Variants in PLAG1 observed in about 807,000 individuals in gnomAD.
PLAG1 encodes PLAG1 zinc finger, also known as zinc finger protein PLAG1.
In PLAG1, 7 loss-of-function variants were observed where a neutral mutation model predicts 35.5. The ratio of observed to expected loss-of-function variants is 0.20; its 90% CI spans 0.11 to 0.37. The LOEUF (loss-of-function observed/expected upper bound fraction) is 0.37. Among genes scored for constraint, PLAG1 ranks in the 10% least tolerant of loss-of-function variants. PLAG1 has a pLI of 1.00. For synonymous variants in PLAG1, 229 were observed against 225.4 expected, an observed-to-expected ratio of 1.02 and a Z score of -0.14; for missense variants, 454 against 602.8, an observed-to-expected ratio of 0.75 and a Z score of 2.58.
chr8:56,181,526 A>G (rs1167062282), intron 1 of PLAG1, among the ~76,000 whole-genome samples: 1 of 145,308 alleles, frequency 6.9e-6, no homozygotes, highest in Non-Finnish European at 1.5e-5. Context: ...ATAAGAACAC[A>G]TGGACACAGG....
intron 1 of PLAG1, among the ~76,000 whole-genome samples, chr8:56,210,831 T>G (rs1812877028): frequency 6.6e-6 from 1 of 151,654 alleles, no homozygotes; most frequent in East Asian, 1.9e-4. Flanking sequence ...AATAAAGGTT[T>G]TTTTTTTTTT....
At chr8:56,201,868 T>C (rs961830568) in intron 1 of PLAG1, among the ~76,000 whole-genome samples, 17 of 152,108 alleles carry the variant, frequency 1.1e-4, no homozygotes, top group Non-Finnish European at 2.1e-4. Flanking sequence ...TTGAGAGTTA[T>C]AAAAGTCATG....
chr8:56,167,356 G>A lies in PLAG1; in HGVS notation c.390C>T (p.Tyr130=), dbSNP rs772066543. ...GACGTTTAAATCCAAGCTTGGTATT[G>A]TAGTTCTTGCCACATTCTTCGCACT... ...TFKCEECGKN[Y]NTKLGFKRHL... The change falls in exon 5 of 5, where the codon TAC becomes TAT. Residue 130 remains tyrosine, a synonymous_variant. Transcript: ENST00000316981. This position sits in a 1 kb window ranked among gnomAD's most constrained non-coding sequence, Gnocchi z 5.9. The A allele has an allele frequency of 1.2e-6, 2 of 1,614,050 alleles. No homozygotes were observed. The highest frequency in any genetic ancestry group is 1.1e-5 in the South Asian group (1 of 91,084).
At chr8:56,184,800 T>G (rs1811975882) in intron 1 of PLAG1, among the ~76,000 whole-genome samples, 1 of 152,030 alleles carries the variant, frequency 6.6e-6, no homozygotes, top group South Asian at 2.1e-4. Flanking sequence ...GCCTGTAATC[T>G]CAGCTACTCC....
Position 56,166,319 on chromosome 8 carries a change from T to C in PLAG1, c.1427A>G (p.His476Arg), listed in dbSNP as rs1172388559. The change falls in exon 5 of 5, where the codon CAC becomes CGC. Residue 476 changes from histidine to arginine, a missense_variant. Transcript: ENST00000316981. ...GCTGGTGAAAGCTGCTGACAGTGAG[T>C]GCAGAGACCCAAGCCCTATAGTGTT... ...PANTIGLGSL[H>R]SLSAAFTSSL... 6.2e-7 allele frequency: 1 copy of C among 1,613,494 alleles called. No individual in the cohort carries two copies. The highest frequency in any genetic ancestry group is 8.5e-7 in the Non-Finnish European group (1 of 1,179,764).
chr8:56,173,375 C>CA (rs773596984), intron 2 of PLAG1, among the ~76,000 whole-genome samples: 3 of 151,668 alleles, frequency 2.0e-5, no homozygotes, highest in Non-Finnish European at 4.4e-5. Flanking sequence ...TATCTCCCCC[C>CA]AAAAAAGAAA....
intron 1 of PLAG1, among the ~76,000 whole-genome samples, chr8:56,180,596 T>G (rs1811835966): frequency 6.6e-6 from 1 of 152,236 alleles, no homozygotes; most frequent in Non-Finnish European, 1.5e-5. Flanking sequence ...TTTTATGGTT[T>G]TAGGTCTTAC....
At chr8:56,181,094 T>C (rs547550660) in intron 1 of PLAG1, among the ~76,000 whole-genome samples, 3 of 152,134 alleles carry the variant, frequency 2.0e-5, no homozygotes, top group Non-Finnish European at 4.4e-5. Flanking sequence ...TGTGGAGAAA[T>C]AGGAATGCTT....
At chr8:56,181,102 C>T (rs1811852024) in intron 1 of PLAG1, among the ~76,000 whole-genome samples, 3 of 152,188 alleles carry the variant, frequency 2.0e-5, no homozygotes, top group Admixed American at 2.0e-4. Context: ...AATAGGAATG[C>T]TTTTACACTG....
chr8:56,187,334 A>G (rs1190312471), intron 1 of PLAG1, among the ~76,000 whole-genome samples: 1 of 152,216 alleles, frequency 6.6e-6, no homozygotes, highest in African/African-American at 2.4e-5. Context: ...GCCCGAAAAC[A>G]TGAATCCTTG....
At chr8:56,183,384 A>C (rs1811927979) in intron 1 of PLAG1, among the ~76,000 whole-genome samples, 2 of 152,240 alleles carry the variant, frequency 1.3e-5, no homozygotes, top group African/African-American at 2.4e-5. Context: ...ATGTGACAGA[A>C]CAGCTATGCA....
At chr8:56,191,166 G>A (rs1431559805) in intron 1 of PLAG1, among the ~76,000 whole-genome samples, 2 of 152,174 alleles carry the variant, frequency 1.3e-5, no homozygotes, top group Non-Finnish European at 2.9e-5. Context: ...ACTGTCCTGA[G>A]TCATCTGGAA....
intron 1 of PLAG1, among the ~76,000 whole-genome samples, chr8:56,192,008 A>T (rs2129231254): frequency 6.6e-6 from 1 of 152,320 alleles, no homozygotes; most frequent in South Asian, 2.1e-4. Flanking sequence ...AGCCCCAGGT[A>T]TCAAAGGGAA....
At chr8:56,200,717 T>A (rs776949632) in intron 1 of PLAG1, among the ~76,000 whole-genome samples, 19 of 152,100 alleles carry the variant, frequency 1.2e-4, no homozygotes, top group Non-Finnish European at 2.4e-4. Flanking sequence ...GCCAAAACCA[T>A]TCCTCTCACC....
chr8:56,182,117 T>A (rs1811887294), intron 1 of PLAG1, among the ~76,000 whole-genome samples: 1 of 152,184 alleles, frequency 6.6e-6, no homozygotes, highest in Admixed American at 6.5e-5. Flanking sequence ...TTGTACTCAT[T>A]ATGAGATGGA....
chr8:56,208,435 G>C (rs544142260), intron 1 of PLAG1, among the ~76,000 whole-genome samples: 4 of 152,248 alleles, frequency 2.6e-5, no homozygotes, highest in African/African-American at 9.6e-5. Flanking sequence ...ACAAGATGAT[G>C]TACTCAAACA....
rs547413288 is a variant in PLAG1 at position 56,163,869 on chromosome 8, C to T, written c.*2374G>A. The T allele has an allele frequency of 5.4e-6, 1 of 185,276 alleles. No homozygotes were observed. Among genetic ancestry groups the T allele is most frequent in the Non-Finnish European group, 1.1e-5 (1 of 87,190 alleles). 11.5% of individuals were successfully genotyped at this position (185,276 alleles called of 1,614,324 possible). A position where few individuals can be genotyped will look rare whatever the true frequency, so the allele number is the denominator to read the frequency against. ...ACATTTTAAACAGAATAAAGTAGTG[C>T]TTCCACACTTGCTATTTGTGATTTC... On this transcript the variant is annotated 3_prime_UTR_variant, in exon 5 of 5. Coordinates refer to ENST00000316981, the MANE Select transcript of PLAG1 (RefSeq NM_002655.3).
chr8:56,200,871 G>T (rs1335939646), intron 1 of PLAG1, among the ~76,000 whole-genome samples: 2 of 152,086 alleles, frequency 1.3e-5, no homozygotes, highest in African/African-American at 4.8e-5. Flanking sequence ...AATGCTCTGG[G>T]ATCTCTTTAT....
At chr8:56,182,124 T>G (rs572624099) in intron 1 of PLAG1, among the ~76,000 whole-genome samples, 1 of 152,298 alleles carries the variant, frequency 6.6e-6, no homozygotes, top group East Asian at 1.9e-4. Flanking sequence ...CATTATGAGA[T>G]GGATTGAAAG....
Sources: gnomAD v4.1 joint callset for allele counts (sites outside exome capture counted in the v4.1 genomes callset) on GRCh38, gnomAD v4.1.1 for gene constraint, Gnocchi (gnomAD v3.1) non-coding constraint, MANE v1.5 for transcripts, NCBI Gene and HGNC (gene_info 2026-07-23, HGNC 2026-07-21) for gene names.